SULF1: variants seen among roughly 807,000 people sequenced by gnomAD.
SULF1 encodes the protein extracellular sulfatase Sulf-1.
Under a neutral mutation model 110.5 loss-of-function variants are expected in SULF1, and 46 were observed. The observed-to-expected ratio is 0.42, with a 90% CI of 0.33 to 0.53. The LOEUF (loss-of-function observed/expected upper bound fraction) is 0.53, where lower values mean the gene tolerates loss of function less well. Among genes scored for constraint, SULF1 ranks in the 20% least tolerant of loss-of-function variants. The probability of loss-of-function intolerance (pLI) is 0.12; values close to 1 mark genes in which losing one functional copy is unlikely to be tolerated. For synonymous variants in SULF1, 371 were observed against 387.1 expected (o/e 0.96, Z 0.49); for missense variants, 941 against 1,094.2 (o/e 0.86, Z 1.98).
chr8:69,557,533 C>T (rs1299741488), intron 3 of SULF1, among the ~76,000 whole-genome samples: 2 of 152,186 alleles, frequency 1.3e-5, no homozygotes, highest in Non-Finnish European at 1.5e-5. Context: ...CTTCAACCCT[C>T]ACTTCATCCT....
At chr8:69,484,825 CTCTTCTTCT>C (rs72313235) in intron 1 of SULF1, among the ~76,000 whole-genome samples, 2,286 of 148,914 alleles carry the variant, frequency 0.015, 72 homozygotes, top group East Asian at 0.11. Context: ...TTTCATCTTC[CTCTTCTTCT>C]TCTTCTTCTT....
intron 22 of SULF1, among the ~76,000 whole-genome samples, chr8:69,647,728 A>G (rs1392230157): frequency 2.0e-5 from 3 of 151,958 alleles, no homozygotes; most frequent in Non-Finnish European, 4.4e-5. Flanking sequence ...CCCTGTCTCT[A>G]CTAAAAATAC....
chr8:69,584,667 C>T (rs772159965), intron 6 of SULF1: 1 of 152,180 alleles, frequency 6.6e-6, no homozygotes, highest in Non-Finnish European at 1.5e-5. Context: ...TTATATTAGC[C>T]TACAGTTGGG....
intron 10 of SULF1, 35 bp downstream of exon 10, chr8:69,601,864 G>A (rs190347678): frequency 7.7e-6 from 12 of 1,566,222 alleles, no homozygotes; most frequent in African/African-American, 4.1e-5. Flanking sequence ...TTCAACTGTC[G>A]TACCTCAAGT....
At chr8:69,604,695 T>G in intron 12 of SULF1, 108 bp from the exon 13 acceptor site, 1 of 1,419,168 alleles carries the variant, frequency 7.0e-7, no homozygotes, top group Non-Finnish European at 9.7e-7. Context: ...TCTTGCTGTT[T>G]AAAGAATGTG....
intron 8 of SULF1, among the ~76,000 whole-genome samples, chr8:69,589,740 G>A (rs184378729): frequency 6.1e-4 from 93 of 152,210 alleles, no homozygotes; most frequent in African/African-American, 1.9e-3. Flanking sequence ...GGCTGATGGC[G>A]TGGAGGGATG....
At chr8:69,573,409 C>CAGATT (rs1805381633) in intron 5 of SULF1, among the ~76,000 whole-genome samples, 1 of 152,184 alleles carries the variant, frequency 6.6e-6, no homozygotes, top group Non-Finnish European at 1.5e-5. Flanking sequence ...AGATTTCTAC[C>CAGATT]TCGGTCCCAT....
rs571930303 is a variant in SULF1 at position 69,658,904 on chromosome 8, G to A, written c.*369G>A. 8.3e-6 allele frequency: 4 copies of A among 483,706 alleles called. No individual in the cohort carries two copies. The highest frequency in any genetic ancestry group is 4.6e-5 in the Admixed American group (2 of 43,368). 30.0% of individuals were successfully genotyped at this position (483,706 alleles called of 1,614,324 possible). A position where few individuals can be genotyped will look rare whatever the true frequency, so the allele number is the denominator to read the frequency against. On this transcript the variant is annotated 3_prime_UTR_variant, in exon 23 of 23. Coordinates refer to ENST00000402687, the MANE Select transcript of SULF1 (RefSeq NM_001128205.2). ...AACCGACCAACATTAAGTCCAGAGA[G>A]TAAACTTGAATGGAATAACGACATT...
intron 1 of SULF1, among the ~76,000 whole-genome samples, chr8:69,473,078 G>A (rs1260746468): frequency 6.6e-6 from 1 of 152,030 alleles, no homozygotes; most frequent in Non-Finnish European, 1.5e-5. Context: ...AGCCTCAAGT[G>A]GTCCTCCCAG....
At position 69,492,981 on chromosome 8, in the gene SULF1, C is replaced by A. The variant is rs1810036161; in HGVS notation, c.-535C>A. On this transcript the variant is annotated 5_prime_UTR_variant, in exon 1 of 23. Transcript: ENST00000402687. Reference sequence around the variant, plus strand: ...GGCCAGGCCTTCCCGGCTGCCGGCGCTCCTCGGAGGTCAGGGCAGATGAGG... The same window carrying A: ...GGCCAGGCCTTCCCGGCTGCCGGCGATCCTCGGAGGTCAGGGCAGATGAGG... The A allele has an allele frequency of 6.6e-6, 1 of 152,610 alleles. No individual in the cohort carries two copies. The highest frequency in any genetic ancestry group is 2.1e-4 in the South Asian group (1 of 4,818). 9.5% of individuals were successfully genotyped at this position (152,610 alleles called of 1,614,324 possible).
intron 8 of SULF1, among the ~76,000 whole-genome samples, chr8:69,598,145 G>A (rs1010015999): frequency 2.7e-5 from 4 of 150,822 alleles, no homozygotes; most frequent in Non-Finnish European, 5.9e-5. Flanking sequence ...TTTGGTTAAC[G>A]AACCATTTTC....
chr8:69,509,705 C>A (rs977385305), intron 3 of SULF1, among the ~76,000 whole-genome samples: 1 of 152,202 alleles, frequency 6.6e-6, no homozygotes, highest in Non-Finnish European at 1.5e-5. Flanking sequence ...ACTGTCCATA[C>A]GTGTCATGAG....
At chr8:69,489,098 A>C (rs1809812952), upstream of SULF1, among the ~76,000 whole-genome samples, 1 of 152,140 alleles carries the variant, frequency 6.6e-6, no homozygotes, top group Non-Finnish European at 1.5e-5. Flanking sequence ...GGTCCTGATG[A>C]GGCTCAAAGA....
chr8:69,485,976 A>G (rs937931837), intron 1 of SULF1, among the ~76,000 whole-genome samples: 15 of 152,200 alleles, frequency 9.9e-5, no homozygotes, highest in African/African-American at 2.4e-4. Flanking sequence ...TGAAGTCACA[A>G]CATTCAGGTT....
chr8:69,585,382 A>C (rs746981342), intron 6 of SULF1, among the ~76,000 whole-genome samples: 1 of 152,144 alleles, frequency 6.6e-6, no homozygotes, highest in Non-Finnish European at 1.5e-5. Flanking sequence ...AAAGTATTCC[A>C]GTATATTTAT....
chr8:69,601,660 A>G lies in SULF1; in HGVS notation c.892A>G (p.Asn298Asp), dbSNP rs2130393772. 1 of 1,609,128 alleles carries G rather than the reference A, an allele frequency of 6.2e-7. No individual in the cohort carries two copies. The highest frequency in any genetic ancestry group is 8.5e-7 in the Non-Finnish European group (1 of 1,177,612). The change falls in exon 10 of 23, where the codon AAC becomes GAC. Residue 298 changes from asparagine (N) to aspartate (D), a missense_variant. By Grantham distance (23) the Asn-to-Asp change is conservative. This residue lies in a region of SULF1 where 822 missense variants were observed against 934.3 expected (regional missense o/e 0.88). Transcript: ENST00000402687. ...TTCCTTTGCTGTATTTCAGCTGTATAACATGCTCGTGGAGACGGGGGAGCT... is the reference window on the plus strand; with the variant it reads ...TTCCTTTGCTGTATTTCAGCTGTATGACATGCTCGTGGAGACGGGGGAGCT... ...SVDDSVERLY[N>D]MLVETGELEN... is the part of the protein sequence containing the mutation.
Position 69,480,791 on chromosome 8 carries a change from TTTTG to T in SULF1, c.-391+13845_-391+13848del, listed in dbSNP as rs1809484966. ...GTATGATTCTGACTTTTTAAAAAAG[TTTTG>T]TTTTTCACTGCATGTTCTCACTCAT... On this transcript the variant is annotated intron_variant, in intron 1 of 22. Transcript: ENST00000260128. 2.6e-5 allele frequency among the ~76,000 whole-genome samples: 4 copies of T among 151,384 alleles called. No individual in the cohort carries two copies. The South Asian group carries it at 8.4e-4, about 32-fold the overall frequency.
At chr8:69,519,595 A>G (rs545225289) in intron 3 of SULF1, among the ~76,000 whole-genome samples, 9 of 152,290 alleles carry the variant, frequency 5.9e-5, no homozygotes, top group Non-Finnish European at 4.4e-5. Flanking sequence ...AGGTATCTCT[A>G]GGACAATAAT....
At position 69,476,017 on chromosome 8, in the gene SULF1, A is replaced by G. The variant is rs556650196; in HGVS notation, c.-391+9067A>G. 3.2e-4 allele frequency among the ~76,000 whole-genome samples: 49 copies of G among 152,328 alleles called. No homozygotes were observed. In the South Asian group the frequency reaches 9.7e-3, roughly 30 times the overall value. On this transcript the variant is annotated intron_variant, in intron 1 of 22. Transcript: ENST00000260128. ...ACTCAACTACATCTGCATAACACCT[A>G]TATAATTCTCTTCTTTTGACTAAGA...
Sources: gnomAD v4.1 joint callset for allele counts (sites outside exome capture counted in the v4.1 genomes callset) on GRCh38, gnomAD v4.1.1 for gene constraint, gnomAD v4.1.1 regional missense constraint, MANE v1.5 for transcripts, NCBI Gene and HGNC (gene_info 2026-07-23, HGNC 2026-07-21) for gene names.